Variants in GALNTL6 observed in about 807,000 individuals in gnomAD.
GALNTL6 encodes polypeptide N-acetylgalactosaminyltransferase like 6, also known as polypeptide N-acetylgalactosaminyltransferase-like 6.
GALNTL6 carries 46 observed loss-of-function variants against 73.7 expected under a neutral mutation model. The observed-to-expected ratio is 0.62, with a 90% CI of 0.49 to 0.80. The LOEUF (loss-of-function observed/expected upper bound fraction) is 0.80, where lower values mean the gene tolerates loss of function less well. Ranked by LOEUF, GALNTL6 falls within the 30% of genes least tolerant of loss-of-function variation. The pLI is 0.00. For synonymous variants in GALNTL6, 259 were observed against 263.7 expected (o/e 0.98, Z 0.17); for missense variants, 604 against 755.0 (o/e 0.80, Z 2.34).
intron 7 of GALNTL6, among the ~76,000 whole-genome samples, chr4:172,829,657 A>G: frequency 6.6e-6 from 1 of 152,226 alleles, no homozygotes; most frequent in East Asian, 1.9e-4. Context: ...GTCTTTTCTG[A>G]AAACAAAATG....
chr4:172,285,931 T>A (rs1040808634), intron 3 of GALNTL6, among the ~76,000 whole-genome samples: 5 of 152,174 alleles, frequency 3.3e-5, no homozygotes, highest in Admixed American at 1.3e-4. Context: ...AGAGACTGAG[T>A]ACTTGGATGA....
At chr4:171,939,583 A>G (rs1367335219) in intron 2 of GALNTL6, among the ~76,000 whole-genome samples, 1 of 152,020 alleles carries the variant, frequency 6.6e-6, no homozygotes, top group Non-Finnish European at 1.5e-5. Context: ...GAAGTCCCCA[A>G]ATCATGCAAA....
intron 5 of GALNTL6, among the ~76,000 whole-genome samples, chr4:172,697,628 A>C (rs1035446293): frequency 2.0e-5 from 3 of 152,230 alleles, no homozygotes; most frequent in Non-Finnish European, 4.4e-5. Flanking sequence ...GGGCTTCGTC[A>C]GAATGTAAAG....
At position 172,723,981 on chromosome 4, in the gene GALNTL6, T is replaced by C. The variant is rs191752521; in HGVS notation, c.554-85380T>C. ...TCGTACTTACTTCATAAGGTTGTTG[T>C]GAGGCTTTCTCAGCAAAGCTCTGGG... On this transcript the variant is annotated intron_variant, in intron 5 of 12. Coordinates refer to ENST00000506823, the MANE Select transcript of GALNTL6 (RefSeq NM_001034845.3). 7.7e-4 allele frequency among the ~76,000 whole-genome samples: 117 copies of C among 152,270 alleles called. 1 individual carries two copies. The East Asian group carries it at 0.021, about 27-fold the overall frequency.
chr4:172,506,707 A>G (rs1734390476), intron 5 of GALNTL6, among the ~76,000 whole-genome samples: 1 of 54,612 alleles, frequency 1.8e-5, no homozygotes, highest in African/African-American at 4.6e-5. Flanking sequence ...TTCTCCAGTC[A>G]GTTCTCCATA....
chr4:171,866,580 T>TTTAGTCAG (rs543783657), intron 2 of GALNTL6, among the ~76,000 whole-genome samples: 1,809 of 152,330 alleles, frequency 0.012, 22 homozygotes, highest in South Asian at 0.044. Context: ...TTATAACTGT[T>TTTAGTCAG]TTAGTCAGTT....
chr4:171,820,450 C>A (rs1243438560), intron 2 of GALNTL6, among the ~76,000 whole-genome samples: 1 of 152,166 alleles, frequency 6.6e-6, no homozygotes, highest in African/African-American at 2.4e-5. Flanking sequence ...AACAGACATA[C>A]ACAGGTACAT....
intron 5 of GALNTL6, among the ~76,000 whole-genome samples, chr4:172,597,749 A>T (rs574891333): frequency 1.3e-5 from 2 of 152,304 alleles, no homozygotes; most frequent in African/African-American, 4.8e-5. Flanking sequence ...GACTCCCAGC[A>T]TATATTCAGA....
At chr4:172,588,688 A>G (rs1432593145) in intron 5 of GALNTL6, among the ~76,000 whole-genome samples, 1 of 152,222 alleles carries the variant, frequency 6.6e-6, no homozygotes, top group Non-Finnish European at 1.5e-5. Flanking sequence ...GCAACATGGT[A>G]AGTGGTTCTA....
In GALNTL6 at chr4:172,856,667, G is replaced by A. The variant is rs147386575; in HGVS notation, c.924-26123G>A. On this transcript the variant is annotated intron_variant, in intron 7 of 12. Coordinates refer to ENST00000506823, the MANE Select transcript of GALNTL6 (RefSeq NM_001034845.3). ...TACTCTTCTGTCTGGCTTTACAACA[G>A]CTTCAAATTAAAAGCAGGCAGGACA... Among the ~76,000 whole-genome samples, 76 of 152,214 alleles carry A rather than the reference G, an allele frequency of 5.0e-4. No homozygotes were observed. The East Asian group carries it at 0.013, about 27-fold the overall frequency.
At chr4:172,501,545 A>C (rs1271891036) in intron 5 of GALNTL6, among the ~76,000 whole-genome samples, 1 of 152,170 alleles carries the variant, frequency 6.6e-6, no homozygotes. Flanking sequence ...TCAGAATGAG[A>C]GAGAAATACT....
At chr4:172,433,949 T>C (rs942069395) in intron 5 of GALNTL6, among the ~76,000 whole-genome samples, 8 of 152,146 alleles carry the variant, frequency 5.3e-5, no homozygotes, top group African/African-American at 1.9e-4. Context: ...TGAGTTTACA[T>C]ACTCACATAC....
At chr4:172,477,838 A>AT (rs1733294888) in intron 5 of GALNTL6, among the ~76,000 whole-genome samples, 1 of 152,204 alleles carries the variant, frequency 6.6e-6, no homozygotes, top group African/African-American at 2.4e-5. Context: ...ATCAGAGGTG[A>AT]TTTTTTTCCC....
chr4:171,852,679 A>G (rs1187691187), intron 2 of GALNTL6, among the ~76,000 whole-genome samples: 3 of 152,122 alleles, frequency 2.0e-5, no homozygotes, highest in Non-Finnish European at 4.4e-5. Flanking sequence ...GATTTGGGGA[A>G]TTATTGCCAC....
chr4:172,449,637 C>A (rs1416166651), intron 5 of GALNTL6, among the ~76,000 whole-genome samples: 2 of 152,122 alleles, frequency 1.3e-5, no homozygotes, highest in Non-Finnish European at 2.9e-5. Context: ...ACTGGCCGTT[C>A]TTTCTTAGTC....
At chr4:172,211,807 G>A (rs370156145) in intron 2 of GALNTL6, among the ~76,000 whole-genome samples, 1 of 152,264 alleles carries the variant, frequency 6.6e-6, no homozygotes, top group East Asian at 1.9e-4. Flanking sequence ...TAGTCCTCAC[G>A]TAGCAGAAAG....
Position 172,501,286 on chromosome 4 carries a change from A to G in GALNTL6, c.553+152597A>G, listed in dbSNP as rs529746181. ...GTGAATCTACAATTACCTCAAAATA[A>G]AAAGGCAACATTTTTAAAAACCTTA... On this transcript the variant is annotated intron_variant, in intron 5 of 12. Transcript: ENST00000506823. Among the ~76,000 whole-genome samples, 5 of 152,322 alleles carry G rather than the reference A, an allele frequency of 3.3e-5. No individual in the cohort carries two copies. In the East Asian group the frequency reaches 9.6e-4, roughly 29 times the overall value.
At chr4:172,945,452 C>T (rs996859104) in intron 9 of GALNTL6, among the ~76,000 whole-genome samples, 11 of 152,130 alleles carry the variant, frequency 7.2e-5, no homozygotes, top group Admixed American at 6.6e-4. Flanking sequence ...AACTATTCCT[C>T]GATAAAGCTG....
intron 3 of GALNTL6, among the ~76,000 whole-genome samples, chr4:172,247,807 T>C (rs1309588147): frequency 6.6e-6 from 1 of 152,202 alleles, no homozygotes; most frequent in East Asian, 1.9e-4. Flanking sequence ...AAATAAGTAG[T>C]CATGCATAAA....
Sources: allele counts gnomAD v4.1 joint callset (sites outside exome capture counted in the v4.1 genomes callset), GRCh38; gene constraint gnomAD v4.1.1; transcripts MANE v1.5; gene names NCBI Gene and HGNC (gene_info 2026-07-23, HGNC 2026-07-21).